Variants in MUC4 observed in about 807,000 individuals in gnomAD.
MUC4 encodes mucin 4, cell surface associated.
MUC4 carries 202 observed loss-of-function variants against 257.9 expected under a neutral mutation model. The ratio of observed to expected loss-of-function variants is 0.78; its 90% confidence interval spans 0.70 to 0.88. MUC4 has a LOEUF of 0.88. Ranked by LOEUF, MUC4 falls within the 40% of genes least tolerant of loss-of-function variation. MUC4 has a pLI of 0.00. For missense variants in MUC4, 5,976 were observed against 6,513.7 expected (o/e 0.92, Z 2.84); for synonymous variants, 2,351 against 2,757.1 (o/e 0.85, Z 4.62).
chr3:195,763,989 G>A (rs1719836371), intron 11 of MUC4, 56 bp downstream of exon 11: 1 of 1,568,094 alleles, frequency 6.4e-7, no homozygotes, highest in Non-Finnish European at 8.6e-7. Flanking sequence ...CCTCCCGGAA[G>A]CCCAGAAGCT....
At chr3:195,753,018 G>A (rs765470452) in intron 20 of MUC4, 33 bp downstream of exon 20, 48 of 1,590,046 alleles carry the variant, frequency 3.0e-5, no homozygotes, top group South Asian at 2.9e-4. Context: ...CAGGAAGAGT[G>A]CGGGGGTGAG....
At chr3:195,807,918 G>A (rs573871832) in intron 1 of MUC4, among the ~76,000 whole-genome samples, 25 of 152,354 alleles carry the variant, frequency 1.6e-4, no homozygotes, top group African/African-American at 5.3e-4. Flanking sequence ...CTGCCTCCAC[G>A]GCTGAGCCCA....
intron 8 of MUC4, 25 bp from the exon 9 acceptor site, chr3:195,765,474 G>A (rs1370497058): frequency 1.2e-6 from 2 of 1,601,700 alleles, no homozygotes; most frequent in Non-Finnish European, 1.7e-6. Context: ...GGGGGGGAAA[G>A]GGCTTATCCA....
chr3:195,789,206 A>T lies in MUC4; in HGVS notation c.2374T>A (p.Ser792Thr), dbSNP rs765743490. The T allele has an allele frequency of 6.2e-7, 1 of 1,613,722 alleles. No homozygotes were observed. The highest frequency in any genetic ancestry group is 8.5e-7 in the Non-Finnish European group (1 of 1,179,806). Residue 792 changes from serine to threonine, a missense_variant, in exon 2 of 25, where the codon TCC becomes ACC. This residue lies in a region of MUC4 where 1,583 missense variants were observed against 1,257.4 expected (regional missense o/e 1.26). Coordinates refer to ENST00000463781, the MANE Select transcript of MUC4 (RefSeq NM_018406.7). ...SGQTQTSEPA[S>T]SGSRTTSAGT... ...GCTGAGGTGGTTCGTGACCCTGAGGAGGCCGGTTCGCTGGTCTGTGTTTGT... is the reference window on the plus strand; with the variant it reads ...GCTGAGGTGGTTCGTGACCCTGAGGTGGCCGGTTCGCTGGTCTGTGTTTGT...
At chr3:195,749,179 C>G in intron 23 of MUC4, 115 bp from the exon 24 acceptor site, 1 of 1,298,388 alleles carries the variant, frequency 7.7e-7, no homozygotes, top group Non-Finnish European at 1.1e-6. Context: ...TGGAGAAGTG[C>G]ACAGATACAT....
At chr3:195,764,190 G>A (rs1379997423) in intron 10 of MUC4, 26 bp from the exon 11 acceptor site, 5 of 1,552,958 alleles carry the variant, frequency 3.2e-6, no homozygotes, top group Non-Finnish European at 4.4e-6. Flanking sequence ...GTGAGTCGGG[G>A]AGGTTGAGGA....
rs1730338491 is a variant in MUC4, at chr3:195,784,506, A to AGGGCTGGTGACAGGAAGAGGG, written c.7073_7074insCCCTCTTCCTGTCACCAGCCC (p.Ala2358_Ser2359insProLeuProValThrSerPro). 1 of 1,528,998 alleles carries AGGGCTGGTGACAGGAAGAGGG rather than the reference A, an allele frequency of 6.5e-7. No homozygotes were observed. The highest frequency in any genetic ancestry group is 1.4e-5 in the African/African-American group (1 of 69,240). 94.7% of individuals were successfully genotyped at this position (1,528,998 alleles called of 1,614,324 possible). A position where few individuals can be genotyped will look rare whatever the true frequency, so the allele number is the denominator to read the frequency against. ...TGGTGTCACCTGTGGATACTGAGGA[A>AGGGCTGGTGACAGGAAGAGGG]GCGTCGGTGACATGAAGAGGGGTGG... On this transcript the variant is annotated inframe_insertion, in exon 2 of 25. Transcript: ENST00000463781.
rs1729364856 is a variant in MUC4 at position 195,783,330 on chromosome 3, G to GGCGTGACCTGTGGATGCTGAGGAA, written c.8249_8250insTTCCTCAGCATCCACAGGTCACGC (p.Thr2750_Thr2751insSerSerAlaSerThrGlyHisAla). ...AAGTGTCGGTGACAGGAAGAGGGGT[G>GGCGTGACCTGTGGATGCTGAGGAA]GTGTCACCTGTGGATACTGAGGAAG... On this transcript the variant is annotated inframe_insertion, in exon 2 of 25. Coordinates refer to ENST00000463781, the MANE Select transcript of MUC4 (RefSeq NM_018406.7). The GGCGTGACCTGTGGATGCTGAGGAA allele has an allele frequency of 1.1e-5, 14 of 1,319,250 alleles. No individual in the cohort carries two copies. The highest frequency in any genetic ancestry group is 4.9e-5 in the African/African-American group (3 of 61,136). The allele number at this position is 1,319,250 out of a possible 1,614,324, so 81.7% of individuals were successfully genotyped here. A position where few individuals can be genotyped will look rare whatever the true frequency, so the allele number is the denominator to read the frequency against.
At position 195,784,181 on chromosome 3, in the gene MUC4, C is replaced by G; in HGVS notation, c.7399G>C (p.Gly2467Arg). The change falls in exon 2 of 25, where the codon GGC becomes CGC. Residue 2467 changes from glycine to arginine, a missense_variant. By Grantham distance (125) the Gly-to-Arg change is moderately radical. This residue lies in a region of MUC4 where 57 missense variants were observed against 116.5 expected (regional missense o/e 0.49). Transcript: ENST00000463781. ...GTGGATACTGAGGAAGTGTCGGTGC[C>G]AGGAAGAGGGGTGGTGTCACCTGTG... Reference protein sequence around the residue: ...ASTGDTTPLPGTDTSSVSTGH... With the variant: ...ASTGDTTPLPRTDTSSVSTGH... 6.6e-7 allele frequency: 1 copy of G among 1,508,370 alleles called. No individual in the cohort carries two copies. Among genetic ancestry groups the G allele is most frequent in the Non-Finnish European group, 8.9e-7 (1 of 1,123,054 alleles). The allele number at this position is 1,508,370 out of a possible 1,614,324, so 93.4% of individuals were successfully genotyped here. A position where few individuals can be genotyped will look rare whatever the true frequency, so the allele number is the denominator to read the frequency against.
rs746068644 is a variant in MUC4, at chr3:195,779,027, C to A, written c.12553G>T (p.Ala4185Ser). ...TPLPVTSTSSASTGDTTPLPV... is the reference protein window; with the variant it reads ...TPLPVTSTSSSSTGDTTPLPV... ...AGAGGGGTGGTGTCACCTGTGGATG[C>A]TGAGGAAGTGCTGGTGACAGGAAGA... The change falls in exon 2 of 25, where the codon GCA becomes TCA. Residue 4185 changes from alanine to serine, a missense_variant. Coordinates refer to ENST00000463781, the MANE Select transcript of MUC4 (RefSeq NM_018406.7). The A allele has an allele frequency of 5.9e-5, 80 of 1,357,992 alleles. No homozygotes were observed. Among genetic ancestry groups the A allele is most frequent in the Non-Finnish European group, 7.0e-5 (73 of 1,036,204 alleles). The allele number at this position is 1,357,992 out of a possible 1,614,324, so 84.1% of individuals were successfully genotyped here. A position where few individuals can be genotyped will look rare whatever the true frequency, so the allele number is the denominator to read the frequency against.
rs761228405 is a variant in MUC4 at position 195,748,885 on chromosome 3, G to A, written c.16034+17C>T. The A allele has an allele frequency of 1.3e-6, 2 of 1,547,646 alleles. No homozygotes were observed. The highest frequency in any genetic ancestry group is 1.2e-5 in the South Asian group (1 of 81,218). On this transcript the variant is annotated intron_variant, in intron 24 of 24. Coordinates refer to ENST00000463781, the MANE Select transcript of MUC4 (RefSeq NM_018406.7). ...CCCCAGCACTGTCCTCCACCTCCTG[G>A]CCACAGCCCTATGCACCTGCAGCGG... is the stretch of plus-strand genomic sequence containing the variant.
intron 1 of MUC4, among the ~76,000 whole-genome samples, chr3:195,795,234 C>G (rs1178146249): frequency 6.6e-6 from 1 of 152,138 alleles, no homozygotes; most frequent in Non-Finnish European, 1.5e-5. Context: ...CAGGAGCTAT[C>G]TAGGGGCCAA....
In MUC4 at chr3:195,749,003, GACC is replaced by G. The variant is rs757680466; in HGVS notation, c.15930_15932del (p.Val5311del). The G allele has an allele frequency of 6.2e-7, 1 of 1,609,950 alleles. No individual in the cohort carries two copies. Among genetic ancestry groups the G allele is most frequent in the Non-Finnish European group, 8.5e-7 (1 of 1,178,032 alleles). On this transcript the variant is annotated inframe_deletion, in exon 24 of 25. Coordinates refer to ENST00000463781, the MANE Select transcript of MUC4 (RefSeq NM_018406.7). ...AGGTGAAGCCGCTCTGGGGGCTGTA[GACC>G]AGGTCGTAGCCCTTGTAGCCATCGC...
chr3:195,758,725 GCT>G (rs1491544379), intron 17 of MUC4, among the ~76,000 whole-genome samples: 1 of 76,974 alleles, frequency 1.3e-5, no homozygotes, highest in African/African-American at 3.9e-5. Context: ...ACCATGCCTG[GCT>G]TTTTTTTTTT....
At chr3:195,752,648 A>T (rs1015962313) in intron 20 of MUC4, 6 of 605,898 alleles carry the variant, frequency 9.9e-6, no homozygotes, top group African/African-American at 1.9e-5. Context: ...CTCACCCTAC[A>T]TTCCACAGTG....
rs534346153 is a variant in MUC4 at position 195,811,918 on chromosome 3, C to CGAACCAAGTG, written c.-111_-102dup. On this transcript the variant is annotated 5_prime_UTR_variant, in exon 1 of 25. Coordinates refer to ENST00000463781, the MANE Select transcript of MUC4 (RefSeq NM_018406.7). Reference sequence around the variant, plus strand: ...AGCCCGTCCCCTCAGGCGGCTGGCCCGAACCAAGTGCGTTTCTCCGAAGGG... The same window carrying CGAACCAAGTG: ...AGCCCGTCCCCTCAGGCGGCTGGCCCGAACCAAGTGGAACCAAGTGCGTTTCTCCGAAGGG... The CGAACCAAGTG allele has an allele frequency of 6.1e-4, 729 of 1,198,750 alleles. 5 individuals are homozygous for CGAACCAAGTG. In the East Asian group the frequency reaches 0.017, roughly 28 times the overall value. 74.3% of individuals were successfully genotyped at this position (1,198,750 alleles called of 1,614,324 possible).
In MUC4 at chr3:195,757,847, G is replaced by A. The variant is rs1470537744; in HGVS notation, c.14987-519C>T. On this transcript the variant is annotated intron_variant, in intron 17 of 24. Transcript: ENST00000463781. This position sits in a 1 kb window ranked among gnomAD's most constrained non-coding sequence, Gnocchi z 4.8. ...TTCAGATCAAACTGATATTTTTCAAGAAAATAGGAAAGTCTCCTTAAAACA... is the reference window on the plus strand; with the variant it reads ...TTCAGATCAAACTGATATTTTTCAAAAAAATAGGAAAGTCTCCTTAAAACA... Among the ~76,000 whole-genome samples, 1 of 152,110 alleles carries A rather than the reference G, an allele frequency of 6.6e-6. No homozygotes were observed. Among genetic ancestry groups the A allele is most frequent in the Non-Finnish European group, 1.5e-5 (1 of 68,020 alleles).
intron 4 of MUC4, among the ~76,000 whole-genome samples, chr3:195,773,617 ATCGC>A (rs1723666876): frequency 8.4e-6 from 1 of 119,184 alleles, no homozygotes; most frequent in Non-Finnish European, 1.8e-5. Flanking sequence ...CCCTCTCTCT[ATCGC>A]TCAGCAGGTG....
At chr3:195,751,502 C>A in intron 21 of MUC4, 1 of 594,876 alleles carries the variant, frequency 1.7e-6, no homozygotes, top group Non-Finnish European at 3.0e-6. Flanking sequence ...CCATTCTGTC[C>A]CCCCCTCAGC....
Sources: gnomAD v4.1 joint callset for allele counts (sites outside exome capture counted in the v4.1 genomes callset) on GRCh38, gnomAD v4.1.1 for gene constraint, gnomAD v4.1.1 regional missense constraint, Gnocchi (gnomAD v3.1) non-coding constraint, MANE v1.5 for transcripts, NCBI Gene and HGNC (gene_info 2026-07-23, HGNC 2026-07-21) for gene names.